Variants in LRBA observed in about 807,000 individuals in gnomAD.
LRBA encodes lipopolysaccharide-responsive and beige-like anchor protein.
A neutral mutation model predicts 330.0 loss-of-function variants in LRBA; 176 were observed. That is an observed-to-expected ratio of 0.53 (90% CI 0.47 to 0.60). The LOEUF (loss-of-function observed/expected upper bound fraction) is 0.60. Ranked by LOEUF, LRBA falls within the 20% of genes least tolerant of loss-of-function variation. LRBA has a pLI of 0.00. For synonymous variants in LRBA, 1,230 were observed against 1,193.0 expected, an observed-to-expected ratio of 1.03 and a Z score of -0.64; for missense variants, 3,259 against 3,444.8, an observed-to-expected ratio of 0.95 and a Z score of 1.35.
intron 42 of LRBA, among the ~76,000 whole-genome samples, chr4:150,471,981 T>G (rs978622863): frequency 1.3e-5 from 2 of 152,070 alleles, no homozygotes; most frequent in Non-Finnish European, 2.9e-5. Flanking sequence ...GCCATTATAA[T>G]GTACAGGTTC....
intron 17 of LRBA, among the ~76,000 whole-genome samples, chr4:150,875,359 T>C (rs1178332359): frequency 6.6e-6 from 1 of 152,202 alleles, no homozygotes; most frequent in African/African-American, 2.4e-5. Flanking sequence ...CCCATTCCCA[T>C]GCAGAGAACT....
Position 150,926,742 on chromosome 4 carries a change from G to A in LRBA, c.549+1774C>T, listed in dbSNP as rs1265358775. On this transcript the variant is annotated intron_variant, in intron 4 of 56. Coordinates refer to ENST00000651943, the MANE Select transcript of LRBA (RefSeq NM_001364905.1). ...CAAGGATTTAAAGGAATTAAATGAG[G>A]GAAAAAATGGAAAATATTTAAAAGA... 2.0e-5 allele frequency among the ~76,000 whole-genome samples: 3 copies of A among 152,124 alleles called. No individual in the cohort carries two copies. In the East Asian group the frequency reaches 5.8e-4, roughly 29 times the overall value.
At chr4:150,404,616 A>G (rs62347042) in intron 47 of LRBA, among the ~76,000 whole-genome samples, 693 of 152,290 alleles carry the variant, frequency 4.6e-3, no homozygotes, top group Non-Finnish European at 8.1e-3. Flanking sequence ...TTCCCCCCAC[A>G]CTTTCAGCTA....
intron 44 of LRBA, among the ~76,000 whole-genome samples, chr4:150,465,332 T>C (rs1755307535): frequency 6.6e-6 from 1 of 152,160 alleles, no homozygotes; most frequent in South Asian, 2.1e-4. Context: ...TTTCTATCTC[T>C]TAGCTGTTGT....
At chr4:150,405,645 A>T (rs1007962853) in intron 47 of LRBA, among the ~76,000 whole-genome samples, 95 of 151,626 alleles carry the variant, frequency 6.3e-4, no homozygotes, top group African/African-American at 2.2e-3. Context: ...ATATAAATGT[A>T]ATATATATAT....
chr4:150,537,878 C>A (rs1459288369), intron 40 of LRBA, among the ~76,000 whole-genome samples: 1 of 151,984 alleles, frequency 6.6e-6, no homozygotes, highest in Non-Finnish European at 1.5e-5. Flanking sequence ...TTGCTTGAAC[C>A]CAGGAGGGGG....
At chr4:150,724,103 T>G (rs1285716982) in intron 36 of LRBA, among the ~76,000 whole-genome samples, 2 of 152,144 alleles carry the variant, frequency 1.3e-5, no homozygotes, top group Non-Finnish European at 2.9e-5. Flanking sequence ...AGACAGCACT[T>G]TGGACATTCC....
intron 38 of LRBA, 22 bp from the exon 39 acceptor site, chr4:150,590,881 G>A (rs761865225): frequency 2.0e-5 from 33 of 1,612,370 alleles, no homozygotes; most frequent in African/African-American, 4.0e-5. Flanking sequence ...AGGAAACAAA[G>A]CTGTCCATCA....
At chr4:150,816,503 A>T (rs559902119) in intron 31 of LRBA, among the ~76,000 whole-genome samples, 8 of 152,042 alleles carry the variant, frequency 5.3e-5, no homozygotes, top group African/African-American at 1.9e-4. Context: ...ATACATGGAA[A>T]TAATTTTTTA....
chr4:150,601,988 G>T (rs1056938562), intron 37 of LRBA, among the ~76,000 whole-genome samples: 7 of 150,060 alleles, frequency 4.7e-5, no homozygotes, highest in South Asian at 4.5e-4. Context: ...ACCGCACCCG[G>T]CCTATTCTAT....
chr4:150,919,981 G>A (rs1039463341), intron 5 of LRBA, among the ~76,000 whole-genome samples: 3 of 148,646 alleles, frequency 2.0e-5, no homozygotes, highest in Non-Finnish European at 4.5e-5. Context: ...GCTATGATAA[G>A]AAAGTAAAAT....
intron 46 of LRBA, among the ~76,000 whole-genome samples, chr4:150,432,453 C>CTTTTTTTTGTTTTTTTTT: frequency 1.0e-5 from 1 of 98,438 alleles, no homozygotes; most frequent in Non-Finnish European, 1.8e-5. Flanking sequence ...TAAGTGTGTT[C>CTTTTTTTTGTTTTTTTTT]TTTTTTTTTT....
chr4:150,985,222 C>T (rs1257878192), intron 2 of LRBA, among the ~76,000 whole-genome samples: 1 of 148,768 alleles, frequency 6.7e-6, no homozygotes, highest in African/African-American at 2.5e-5. Context: ...CGCATCACTG[C>T]ACTCCAGCCT....
intron 33 of LRBA, among the ~76,000 whole-genome samples, chr4:150,805,247 A>G (rs1211022465): frequency 1.4e-5 from 2 of 146,574 alleles, no homozygotes; most frequent in African/African-American, 5.0e-5. Context: ...AAGGAGAAGG[A>G]AAGGAGAAGG....
intron 37 of LRBA, among the ~76,000 whole-genome samples, chr4:150,660,622 AGAAAGGCGG>A (rs1780949609): frequency 2.1e-5 from 3 of 141,894 alleles, no homozygotes; most frequent in African/African-American, 5.0e-5. Context: ...CTTGTGGAAT[AGAAAGGCGG>A]GAAAGGCGGG....
At chr4:150,855,340 T>C (rs1285445123) in intron 22 of LRBA, among the ~76,000 whole-genome samples, 1 of 152,164 alleles carries the variant, frequency 6.6e-6, no homozygotes, top group African/African-American at 2.4e-5. Context: ...CAAACAATTA[T>C]CATTGTCAAA....
intron 36 of LRBA, among the ~76,000 whole-genome samples, chr4:150,713,938 C>T (rs1039161035): frequency 1.1e-4 from 16 of 152,168 alleles, no homozygotes; most frequent in Non-Finnish European, 2.1e-4. Flanking sequence ...TGATGGAGAT[C>T]AGATGAGTGT....
intron 40 of LRBA, among the ~76,000 whole-genome samples, chr4:150,560,763 G>A (rs1280790180): frequency 6.6e-6 from 1 of 152,186 alleles, no homozygotes; most frequent in Non-Finnish European, 1.5e-5. Flanking sequence ...GAGGCGGGCA[G>A]ATCACCTGAA....
At chr4:150,904,243 G>A (rs971120470) in intron 13 of LRBA, among the ~76,000 whole-genome samples, 12 of 152,088 alleles carry the variant, frequency 7.9e-5, no homozygotes, top group African/African-American at 2.9e-4. Flanking sequence ...AATTTTGTAT[G>A]CATTATATTG....
Sources: gnomAD v4.1 joint callset for allele counts (sites outside exome capture counted in the v4.1 genomes callset) on GRCh38, gnomAD v4.1.1 for gene constraint, MANE v1.5 for transcripts, NCBI Gene and HGNC (gene_info 2026-07-23, HGNC 2026-07-21) for gene names.